Variants in REXO5 observed in about 807,000 individuals in gnomAD.
The protein encoded by REXO5 is exonuclease NEF-sp.
Under a neutral mutation model 88.5 loss-of-function variants are expected in REXO5, and 48 were observed. That is an observed-to-expected ratio of 0.54 (90% confidence interval 0.43 to 0.69). REXO5 has a LOEUF of 0.69. Among genes scored for constraint, REXO5 ranks in the 30% least tolerant of loss-of-function variants. REXO5 has a pLI of 0.00. For synonymous variants in REXO5, 311 were observed against 336.5 expected (o/e 0.92, Z 0.83); for missense variants, 749 against 912.2 (o/e 0.82, Z 2.30).
intron 10 of REXO5, 42 bp downstream of exon 10, chr16:20,827,489 C>A: frequency 7.0e-7 from 1 of 1,425,390 alleles, no homozygotes; most frequent in Non-Finnish European, 9.9e-7. Context: ...TGACAAACTG[C>A]ATACAAGTTA....
At chr16:20,807,632 T>C (rs1325281677) in intron 2 of REXO5, among the ~76,000 whole-genome samples, 1 of 146,114 alleles carries the variant, frequency 6.8e-6, no homozygotes, top group African/African-American at 2.6e-5. Context: ...CCGGGTGCAG[T>C]GGCTCACGCC....
At chr16:20,819,231 A>G (rs1407629998) in intron 5 of REXO5, among the ~76,000 whole-genome samples, 2 of 152,110 alleles carry the variant, frequency 1.3e-5, no homozygotes, top group African/African-American at 2.4e-5. Context: ...TTATAATAGA[A>G]TGATTTATAT....
At chr16:20,830,012 T>G (rs905207642) in intron 11 of REXO5, among the ~76,000 whole-genome samples, 1 of 152,200 alleles carries the variant, frequency 6.6e-6, no homozygotes, top group African/African-American at 2.4e-5. Flanking sequence ...AATAAAACTT[T>G]ATTTATTTAC....
intron 16 of REXO5, 105 bp downstream of exon 16, chr16:20,844,131 C>G (rs1251130796): frequency 4.4e-6 from 3 of 682,996 alleles, no homozygotes; most frequent in Non-Finnish European, 7.7e-6. Context: ...GGCCCACGCA[C>G]AAGACTTTGT....
At chr16:20,835,426 A>G (rs2081411340) in intron 13 of REXO5, among the ~76,000 whole-genome samples, 1 of 152,162 alleles carries the variant, frequency 6.6e-6, no homozygotes, top group Non-Finnish European at 1.5e-5. Context: ...TGGGAATCTA[A>G]ACCATTCCTG....
At chr16:20,836,062 T>C (rs1486932734) in intron 13 of REXO5, among the ~76,000 whole-genome samples, 1 of 151,918 alleles carries the variant, frequency 6.6e-6, no homozygotes, top group Non-Finnish European at 1.5e-5. Context: ...TACAGAGAGT[T>C]CCCATTTACC....
At chr16:20,835,067 T>A (rs1490858194) in intron 13 of REXO5, among the ~76,000 whole-genome samples, 21 of 152,236 alleles carry the variant, frequency 1.4e-4, no homozygotes, top group Non-Finnish European at 1.5e-5. Context: ...TGTATTTCTA[T>A]AAATATTTGT....
intron 15 of REXO5, among the ~76,000 whole-genome samples, chr16:20,841,898 C>T (rs1350665073): frequency 6.6e-6 from 1 of 152,080 alleles, no homozygotes; most frequent in African/African-American, 2.4e-5. Flanking sequence ...ACCCAGCTTC[C>T]AAATCTTTTA....
rs1014035023 is a variant in REXO5 at position 20,827,338 on chromosome 16, C to T, written c.961-15C>T. On this transcript the variant is annotated splice_polypyrimidine_tract_variant and intron_variant, in intron 9 of 19. Transcript: ENST00000261377. ...AGCATAAGACACTACTCATTTTATT[C>T]TCTTTCTTCCTCAGATGATACATCC... 15 of 1,607,888 alleles carry T rather than the reference C, an allele frequency of 9.3e-6. No homozygotes were observed. Among genetic ancestry groups the T allele is most frequent in the Non-Finnish European group, 1.3e-5 (15 of 1,175,346 alleles).
chr16:20,847,606 C>A (rs1449972823), intron 19 of REXO5, among the ~76,000 whole-genome samples: 1 of 152,102 alleles, frequency 6.6e-6, no homozygotes, highest in African/African-American at 2.4e-5. Context: ...TTTGAAAGAA[C>A]CGCTTTCTCT....
intron 19 of REXO5, 68 bp from the exon 20 acceptor site, chr16:20,849,331 C>A (rs2081656955): frequency 7.0e-7 from 1 of 1,430,990 alleles, no homozygotes; most frequent in African/African-American, 1.4e-5. Flanking sequence ...TCTCCTCTAA[C>A]TAGGCATTTA....
intron 16 of REXO5, 131 bp downstream of exon 16, chr16:20,844,157 G>A: frequency 1.6e-6 from 1 of 621,946 alleles, no homozygotes; most frequent in Non-Finnish European, 2.9e-6. Flanking sequence ...AAAGTCTTCA[G>A]CCAAGTCTAA....
intron 13 of REXO5, 67 bp from the exon 14 acceptor site, chr16:20,839,688 C>T: frequency 1.0e-6 from 1 of 1,002,300 alleles, no homozygotes; most frequent in Non-Finnish European, 1.5e-6. Context: ...ATTATTGTGG[C>T]TCATATCCAG....
At chr16:20,819,756 C>CAAA (rs34436271) in intron 5 of REXO5, among the ~76,000 whole-genome samples, 1 of 139,244 alleles carries the variant, frequency 7.2e-6, no homozygotes. Context: ...ACTCCGTCTC[C>CAAA]AAAAAAAAAA....
chr16:20,813,035 G>A (rs2081024343), intron 2 of REXO5, among the ~76,000 whole-genome samples, 155 bp from the exon 3 acceptor site: 1 of 152,168 alleles, frequency 6.6e-6, no homozygotes, highest in South Asian at 2.1e-4. Context: ...ACCACATATT[G>A]TTATTTTAGG....
chr16:20,849,407 G>A lies in REXO5; in HGVS notation c.2252G>A (p.Gly751Asp), dbSNP rs1210351956. Residue 751 changes from glycine to aspartate, a missense_variant, in exon 20 of 20, where the codon GGT (glycine) becomes GAT (aspartate). Coordinates refer to ENST00000261377, the MANE Select transcript of REXO5 (RefSeq NM_030941.3). ...TTTCTTATTTATTGCAGCACTCATG[G>A]TTCACTCTCTGGTCTAGGACTGATG... ...ILLPGTKSTHGSLSGLGLMGI... is the reference protein window; with the variant it reads ...ILLPGTKSTHDSLSGLGLMGI... 6.2e-7 allele frequency: 1 copy of A among 1,613,764 alleles called. No homozygotes were observed. Among genetic ancestry groups the A allele is most frequent in the Non-Finnish European group, 8.5e-7 (1 of 1,179,698 alleles).
intron 11 of REXO5, among the ~76,000 whole-genome samples, chr16:20,831,629 T>C (rs2081346766): frequency 1.3e-5 from 2 of 152,194 alleles, no homozygotes; most frequent in Admixed American, 1.3e-4. Context: ...ACTTTAAAAA[T>C]TATTCTCTCT....
intron 3 of REXO5, among the ~76,000 whole-genome samples, chr16:20,814,387 C>G (rs185155343): frequency 6.6e-6 from 1 of 152,118 alleles, no homozygotes; most frequent in Admixed American, 6.6e-5. Context: ...TAGGCTCATA[C>G]AACCAGGCCC....
chr16:20,815,149 G>C, intron 4 of REXO5, 96 bp downstream of exon 4: 1 of 1,348,770 alleles, frequency 7.4e-7, no homozygotes. Context: ...CAACCTAACT[G>C]AACAAACAGT....
Sources: allele counts gnomAD v4.1 joint callset (sites outside exome capture counted in the v4.1 genomes callset), GRCh38; gene constraint gnomAD v4.1.1; transcripts MANE v1.5; gene names NCBI Gene and HGNC (gene_info 2026-07-23, HGNC 2026-07-21).